ARHGAP29: variants seen among roughly 807,000 people sequenced by gnomAD.
The protein encoded by ARHGAP29 is rho GTPase-activating protein 29.
In ARHGAP29, 43 loss-of-function variants were observed where a neutral mutation model predicts 122.6. The observed-to-expected ratio is 0.35, with a 90% CI of 0.27 to 0.45. The LOEUF is 0.45. Among genes scored for constraint, ARHGAP29 ranks in the 20% least tolerant of loss-of-function variants. ARHGAP29 has a pLI of 1.00. For synonymous variants in ARHGAP29, 506 were observed against 497.1 expected (o/e 1.02, Z -0.24); for missense variants, 1,303 against 1,477.2 (o/e 0.88, Z 1.93).
chr1:94,174,693 C>T lies in ARHGAP29; in HGVS notation c.2962G>A (p.Asp988Asn). Reference protein sequence around the residue: ...EAESASQKIEDGKTPKPLSLK... With the variant: ...EAESASQKIENGKTPKPLSLK... The stretch of plus-strand genomic sequence containing the variant: ...GAAAGTGGCTTAGGGGTTTTACCAT[C>T]TTCTATCTTTTGGGATGCTGATTCA... The change falls in exon 23 of 23, where the codon GAT becomes AAT. Residue 988 changes from aspartate (D) to asparagine (N), a missense_variant. By Grantham distance (23) the Asp-to-Asn change is conservative. Coordinates refer to ENST00000260526, the MANE Select transcript of ARHGAP29 (RefSeq NM_004815.4). 6.2e-7 allele frequency: 1 copy of T among 1,614,074 alleles called. No individual in the cohort carries two copies. The highest frequency in any genetic ancestry group is 8.5e-7 in the Non-Finnish European group (1 of 1,180,014).
intron 1 of ARHGAP29, 38 bp from the exon 2 acceptor site, chr1:94,231,681 A>G (rs1652928080): frequency 6.8e-7 from 1 of 1,478,084 alleles, no homozygotes; most frequent in African/African-American, 1.4e-5. Context: ...ACAAGCGAGG[A>G]GAGAGAAAGA....
intron 22 of ARHGAP29, among the ~76,000 whole-genome samples, chr1:94,175,964 A>C (rs1043804280): frequency 1.3e-5 from 2 of 152,078 alleles, no homozygotes; most frequent in Admixed American, 1.3e-4. Context: ...CAGACTCCCA[A>C]AGTGCCAGGA....
In ARHGAP29 at chr1:94,205,217, A is replaced by T; in HGVS notation, c.560-19T>A. 1 of 1,562,654 alleles carries T rather than the reference A, an allele frequency of 6.4e-7. No individual in the cohort carries two copies. The highest frequency in any genetic ancestry group is 1.2e-5 in the South Asian group (1 of 82,606). On this transcript the variant is annotated intron_variant, in intron 6 of 22. Transcript: ENST00000260526. The stretch of plus-strand genomic sequence containing the variant: ...AAATTTCCTGAAAACAAAAATATCA[A>T]GGTAAGTATATGTTAAATGTGATCA...
At chr1:94,306,518 T>A in the ARHGAP29 span, among the ~76,000 whole-genome samples, 1 of 152,226 alleles carries the variant, frequency 6.6e-6, no homozygotes, top group Admixed American at 6.5e-5. Flanking sequence ...ACTCAGGATT[T>A]TATGTGAAGC....
In ARHGAP29 at chr1:94,174,127, G is replaced by C; in HGVS notation, c.3528C>G (p.Ile1176Met). 6.2e-7 allele frequency: 1 copy of C among 1,614,140 alleles called. No individual in the cohort carries two copies. Among genetic ancestry groups the C allele is most frequent in the Non-Finnish European group, 8.5e-7 (1 of 1,180,018 alleles). ...AAGCTGGCTTCTCCTCATTCCCCCTGATACTGATGATGGGAGCATGTGGTT... is the reference window on the plus strand; with the variant it reads ...AAGCTGGCTTCTCCTCATTCCCCCTCATACTGATGATGGGAGCATGTGGTT... ...FYKPHAPIIS[I>M]RGNEEKPASP... The change falls in exon 23 of 23, where the codon ATC becomes ATG. Residue 1176 changes from isoleucine (I) to methionine (M), a missense_variant. Physicochemically the swap from Ile to Met is conservative, Grantham distance 10. Transcript: ENST00000260526.
chr1:94,249,958 A>G (rs1381689148), intron 1 of ARHGAP29, among the ~76,000 whole-genome samples: 1 of 151,962 alleles, frequency 6.6e-6, no homozygotes, highest in Non-Finnish European at 1.5e-5. Context: ...AGGGATGTTG[A>G]GGGCATGAAT....
Position 94,208,898 on chromosome 1 carries a change from T to G in ARHGAP29, c.444A>C (p.Thr148=). The change falls in exon 5 of 23, where the codon ACA becomes ACC. Residue 148 remains threonine (T), a synonymous_variant. Coordinates refer to ENST00000260526, the MANE Select transcript of ARHGAP29 (RefSeq NM_004815.4). ...TGCCTACATCTCCCATAAGGAAGTT[T>G]GTAAGGCTATCCAAGGAGGTTAAAA... ...TLAFTFGNIL[T]NFLMGDVGND... is the part of the protein sequence containing the mutation. The G allele has an allele frequency of 6.2e-7, 1 of 1,613,852 alleles. No homozygotes were observed. The highest frequency in any genetic ancestry group is 8.5e-7 in the Non-Finnish European group (1 of 1,179,768).
At chr1:94,187,967 A>T (rs1649906278) in intron 15 of ARHGAP29, among the ~76,000 whole-genome samples, 1 of 152,178 alleles carries the variant, frequency 6.6e-6, no homozygotes, top group South Asian at 2.1e-4. Flanking sequence ...AATGAGTACA[A>T]CTTCAGCAAT....
intron 19 of ARHGAP29, among the ~76,000 whole-genome samples, chr1:94,181,665 A>G (rs891159202): frequency 6.6e-6 from 1 of 152,196 alleles, no homozygotes; most frequent in African/African-American, 2.4e-5. Flanking sequence ...CTTGTGTTCA[A>G]GAGCTTCAAA....
the ARHGAP29 span, among the ~76,000 whole-genome samples, chr1:94,304,274 G>A: frequency 6.6e-6 from 1 of 152,174 alleles, no homozygotes; most frequent in Non-Finnish European, 1.5e-5. Flanking sequence ...TGAGTATCTG[G>A]GACTACAGGT....
At chr1:94,312,535 G>T in the ARHGAP29 span, among the ~76,000 whole-genome samples, 1 of 151,226 alleles carries the variant, frequency 6.6e-6, no homozygotes, top group African/African-American at 2.4e-5. Context: ...AGGTTTAAGT[G>T]ATTCTCCTGC....
At chr1:94,292,575 T>C in the ARHGAP29 span, among the ~76,000 whole-genome samples, 2 of 152,240 alleles carry the variant, frequency 1.3e-5, no homozygotes, top group African/African-American at 4.8e-5. Context: ...CTCTGATTTC[T>C]CTCCATCTTT....
In ARHGAP29 at chr1:94,173,933, C is replaced by T; in HGVS notation, c.3722G>A (p.Arg1241Lys). 6.2e-7 allele frequency: 1 copy of T among 1,614,140 alleles called. No homozygotes were observed. Among genetic ancestry groups the T allele is most frequent in the South Asian group, 1.1e-5 (1 of 91,066 alleles). ...CTGTTGCATTCGTTTTAGCCTTGGTCTCTGACACATTGGATTCACATCAGG... is the reference window on the plus strand; with the variant it reads ...CTGTTGCATTCGTTTTAGCCTTGGTTTCTGACACATTGGATTCACATCAGG... ...GLPDVNPMCQ[R>K]PRLKRMQQFE... Residue 1241 changes from arginine to lysine, a missense_variant, in exon 23 of 23, where the codon AGA becomes AAA. By Grantham distance (26) the Arg-to-Lys change is conservative. This residue lies in a region of ARHGAP29 where 620 missense variants were observed against 651.2 expected (regional missense o/e 0.95). Coordinates refer to ENST00000260526, the MANE Select transcript of ARHGAP29 (RefSeq NM_004815.4).
the ARHGAP29 span, among the ~76,000 whole-genome samples, chr1:94,310,235 T>C: frequency 6.6e-6 from 1 of 152,122 alleles, no homozygotes. Flanking sequence ...GGGGTTGTAG[T>C]AGACAAAGAG....
the ARHGAP29 span, among the ~76,000 whole-genome samples, chr1:94,308,936 G>T: frequency 3.9e-5 from 6 of 152,154 alleles, no homozygotes; most frequent in African/African-American, 7.2e-5. Flanking sequence ...TTCCTCAGGA[G>T]GTTGTGTGGG....
intron 1 of ARHGAP29, among the ~76,000 whole-genome samples, chr1:94,248,853 T>C (rs185107340): frequency 6.9e-4 from 105 of 151,544 alleles, no homozygotes; most frequent in African/African-American, 2.5e-3. Flanking sequence ...CAGGCTTGTG[T>C]CACCACACCC....
Position 94,243,353 on chromosome 1 carries a change from T to C in ARHGAP29, c.-32-11710A>G, listed in dbSNP as rs181506610. 6.2e-3 allele frequency among the ~76,000 whole-genome samples: 947 copies of C among 152,184 alleles called. 5 individuals carry two copies. Among genetic ancestry groups the C allele is most frequent in the Non-Finnish European group, 9.5e-3 (648 of 67,922 alleles). On this transcript the variant is annotated intron_variant and NMD_transcript_variant, in intron 1 of 25. Coordinates refer to the ARHGAP29 transcript ENST00000552844. ...GACTGAAATCACACAGTGTATGTCC[T>C]CTGATCAAAACAAAATTAAATTTGA...
chr1:94,272,396 G>A (rs750795699), intron 1 of ARHGAP29, among the ~76,000 whole-genome samples: 32 of 152,202 alleles, frequency 2.1e-4, no homozygotes, highest in Non-Finnish European at 3.7e-4. Context: ...GATCTGTGAG[G>A]TGAAGGCTAG....
rs71094285 is a variant in ARHGAP29 at position 94,211,287 on chromosome 1, C to CAAAAAAAAAAAAAAAAAAAAAA, written c.341-1959_341-1938dup. Reference sequence around the variant, plus strand: ...GGGCGACAGAGCAAGGCTCTGGCTCCAAAAAAAAAAAAAAAAAAAAAAAAA... The same window carrying CAAAAAAAAAAAAAAAAAAAAAA: ...GGGCGACAGAGCAAGGCTCTGGCTCCAAAAAAAAAAAAAAAAAAAAAAAAAAAAAAAAAAAAAAAAAAAAAAA... On this transcript the variant is annotated intron_variant, in intron 3 of 22. Coordinates refer to ENST00000260526, the MANE Select transcript of ARHGAP29 (RefSeq NM_004815.4). Among the ~76,000 whole-genome samples the CAAAAAAAAAAAAAAAAAAAAAA allele has an allele frequency of 5.6e-5, 2 of 36,004 alleles. 1 individual carries two copies. Among genetic ancestry groups the CAAAAAAAAAAAAAAAAAAAAAA allele is most frequent in the Non-Finnish European group, 9.4e-5 (2 of 21,200 alleles). 23.6% of individuals were successfully genotyped at this position (36,004 alleles called of 152,430 possible).
Sources: allele counts gnomAD v4.1 joint callset (sites outside exome capture counted in the v4.1 genomes callset), GRCh38; gene constraint gnomAD v4.1.1; regional missense constraint gnomAD v4.1.1; transcripts MANE v1.5; gene names NCBI Gene and HGNC (gene_info 2026-07-23, HGNC 2026-07-21).